ZNF536: variants seen among roughly 807,000 people sequenced by gnomAD.
The protein encoded by ZNF536 is zinc finger protein 536.
Under a neutral mutation model 84.5 loss-of-function variants are expected in ZNF536, and 13 were observed. That is an observed-to-expected ratio of 0.15 (90% confidence interval 0.10 to 0.24). ZNF536 has a LOEUF of 0.24. Ranked by LOEUF, ZNF536 falls within the 10% of genes least tolerant of loss-of-function variation. ZNF536 has a pLI of 1.00. For missense variants in ZNF536, 1,536 were observed against 1,747.5 expected (o/e 0.88, Z 2.16); for synonymous variants, 811 against 742.5 (o/e 1.09, Z -1.50).
At chr19:30,300,274 C>G (rs182070563) in intron 2 of ZNF536, among the ~76,000 whole-genome samples, 46 of 152,278 alleles carry the variant, frequency 3.0e-4, no homozygotes, top group Non-Finnish European at 5.3e-4. Context: ...TACATTCACA[C>G]AGCGCTTTCC....
intron 1 of ZNF536, among the ~76,000 whole-genome samples, chr19:30,262,357 C>G (rs961087482): frequency 5.3e-5 from 8 of 152,222 alleles, no homozygotes; most frequent in African/African-American, 1.9e-4. Context: ...ATCCACATGA[C>G]AAGTGCTTGT....
At chr19:30,636,678 A>G (rs1470467839) in intron 1 of ZNF536, among the ~76,000 whole-genome samples, 4 of 152,142 alleles carry the variant, frequency 2.6e-5, no homozygotes, top group African/African-American at 9.7e-5. Context: ...CAGGGTCTTT[A>G]TGTGCCTTTG....
At chr19:30,435,009 C>T (rs574528776) in intron 1 of ZNF536, among the ~76,000 whole-genome samples, 1,970 of 139,960 alleles carry the variant, frequency 0.014, 14 homozygotes, top group Middle Eastern at 0.036. Context: ...GGTGGTGATG[C>T]GGATGCTGGT....
chr19:30,235,048 C>A (rs146615078), intron 1 of ZNF536, among the ~76,000 whole-genome samples: 1 of 152,144 alleles, frequency 6.6e-6, no homozygotes, highest in Non-Finnish European at 1.5e-5. Context: ...TGGGGCTCTT[C>A]GGTGTAGGTA....
intron 2 of ZNF536, among the ~76,000 whole-genome samples, chr19:30,306,747 G>A (rs934813115): frequency 2.0e-5 from 3 of 152,214 alleles, no homozygotes; most frequent in African/African-American, 7.2e-5. Flanking sequence ...GTAACTTTCT[G>A]TATGCAGCTG....
chr19:30,578,789 G>T (rs997557119), intron 1 of ZNF536, among the ~76,000 whole-genome samples: 5 of 152,200 alleles, frequency 3.3e-5, no homozygotes, highest in African/African-American at 9.6e-5. Context: ...CCACTTACCA[G>T]GCCATAGGGC....
At chr19:30,696,566 C>T (rs1024235394) in intron 1 of ZNF536, among the ~76,000 whole-genome samples, 2 of 152,204 alleles carry the variant, frequency 1.3e-5, no homozygotes, top group African/African-American at 2.4e-5. Context: ...CAGGGCAGGC[C>T]GGCTTGCCTG....
At chr19:30,557,066 G>T (rs928159981) in intron 4 of ZNF536, 91 bp from the exon 5 acceptor site, 1 of 1,367,870 alleles carries the variant, frequency 7.3e-7, no homozygotes, top group African/African-American at 1.4e-5. Context: ...TCCATTAAAC[G>T]ATTAGGGGAT....
chr19:30,297,881 T>C (rs1311469805), intron 2 of ZNF536, among the ~76,000 whole-genome samples: 2 of 139,786 alleles, frequency 1.4e-5, no homozygotes, highest in Non-Finnish European at 3.0e-5. Flanking sequence ...CATGCCTTTT[T>C]TTTTTTTTTC....
chr19:30,512,050 C>A (rs1436879587), intron 2 of ZNF536, among the ~76,000 whole-genome samples: 1 of 152,110 alleles, frequency 6.6e-6, no homozygotes. Flanking sequence ...AAGCATATGG[C>A]AAAGCTTTTA....
intron 2 of ZNF536, among the ~76,000 whole-genome samples, chr19:30,339,309 G>T (rs1338837514): frequency 6.6e-6 from 1 of 152,196 alleles, no homozygotes; most frequent in Non-Finnish European, 1.5e-5. Flanking sequence ...TTGGTCACAT[G>T]GCTGGGTCTA....
intron 1 of ZNF536, among the ~76,000 whole-genome samples, chr19:30,386,058 G>T (rs1388419605): frequency 6.6e-6 from 1 of 152,162 alleles, no homozygotes; most frequent in African/African-American, 2.4e-5. Flanking sequence ...AGCTGGTGTT[G>T]CATCCAAGGC....
At chr19:30,458,367 A>G (rs942649315) in intron 2 of ZNF536, among the ~76,000 whole-genome samples, 24 of 146,710 alleles carry the variant, frequency 1.6e-4, no homozygotes, top group Non-Finnish European at 3.0e-4. Flanking sequence ...CTTGGGGGTG[A>G]TTTTAAAGGG....
At chr19:30,226,249 A>C (rs1472787114), upstream of ZNF536, among the ~76,000 whole-genome samples, 1 of 151,832 alleles carries the variant, frequency 6.6e-6, no homozygotes, top group Non-Finnish European at 1.5e-5. The surrounding 1 kb of genome is among the most constrained non-coding windows in gnomAD (Gnocchi z 4.6). Flanking sequence ...GGGAGGGGGT[A>C]GGCTGGGGCC....
At chr19:30,693,848 C>T (rs2051535249) in intron 1 of ZNF536, among the ~76,000 whole-genome samples, 1 of 152,072 alleles carries the variant, frequency 6.6e-6, no homozygotes, top group Non-Finnish European at 1.5e-5. Context: ...TGTCTGATTC[C>T]TTTATGGGAA....
In ZNF536 at chr19:30,696,066, T is replaced by G. The variant is rs184384072; in HGVS notation, c.170-14691T>G. Among the ~76,000 whole-genome samples the G allele has an allele frequency of 5.9e-5, 9 of 152,362 alleles. No homozygotes were observed. The East Asian group carries it at 1.7e-3, about 29-fold the overall frequency. On this transcript the variant is annotated intron_variant, in intron 1 of 1. Coordinates refer to the ZNF536 transcript ENST00000592773. ...TTTAAAAATTAATTGGTTAAAAACT[T>G]AAAAATACACAACTCTAGCTTTGTT... is the stretch of plus-strand genomic sequence containing the variant.
At chr19:30,339,648 G>A (rs1296221788) in intron 2 of ZNF536, among the ~76,000 whole-genome samples, 1 of 152,218 alleles carries the variant, frequency 6.6e-6, no homozygotes, top group Non-Finnish European at 1.5e-5. Context: ...CACCTCGAGG[G>A]TGAGGGTTGC....
chr19:30,567,732 G>T (rs1304530515), intron 1 of ZNF536, among the ~76,000 whole-genome samples: 1 of 152,082 alleles, frequency 6.6e-6, no homozygotes, highest in African/African-American at 2.4e-5. Context: ...TATTCTCATT[G>T]TGCCGGACTC....
At position 30,549,092 on chromosome 19, in the gene ZNF536, C is replaced by A. The variant is rs2045673157; in HGVS notation, c.3473C>A (p.Thr1158Asn). Reference protein sequence around the residue: ...LIPETTSKNTTDDLSDIASSE... With the variant: ...LIPETTSKNTNDDLSDIASSE... ...CCCGAAACCACGAGTAAGAACACTACTGATGACCTCTCTGACATTGCCTCC... is the reference window on the plus strand; with the variant it reads ...CCCGAAACCACGAGTAAGAACACTAATGATGACCTCTCTGACATTGCCTCC... The change falls in exon 4 of 5, where the codon ACT (threonine) becomes AAT (asparagine). Residue 1158 changes from threonine to asparagine, a missense_variant. By Grantham distance (65) the Thr-to-Asn change is moderately conservative. Around this residue, in one of 8 missense-constraint regions of ZNF536, gnomAD observed 624 missense variants for 603.1 expected, o/e 1.03. Transcript: ENST00000355537. The A allele has an allele frequency of 1.2e-6, 2 of 1,614,058 alleles. No homozygotes were observed. The highest frequency in any genetic ancestry group is 2.2e-5 in the South Asian group (2 of 91,088).
Sources: gnomAD v4.1 joint callset for allele counts (sites outside exome capture counted in the v4.1 genomes callset) on GRCh38, gnomAD v4.1.1 for gene constraint, gnomAD v4.1.1 regional missense constraint, Gnocchi (gnomAD v3.1) non-coding constraint, MANE v1.5 for transcripts, NCBI Gene and HGNC (gene_info 2026-07-23, HGNC 2026-07-21) for gene names.